Variants in KIF19 observed in about 807,000 individuals in gnomAD.
KIF19 encodes kinesin-like protein KIF19.
In KIF19, 98 loss-of-function variants were observed where a neutral mutation model predicts 106.6. The ratio of observed to expected loss-of-function variants is 0.92; its 90% CI spans 0.78 to 1.09. The LOEUF (loss-of-function observed/expected upper bound fraction) is 1.09, where lower values mean the gene tolerates loss of function less well. KIF19 is among the 50% of genes least tolerant of loss of function. The pLI is 0.00. For synonymous variants in KIF19, 516 were observed against 584.2 expected (o/e 0.88, Z 1.68); for missense variants, 1,373 against 1,414.3 (o/e 0.97, Z 0.47).
chr17:74,355,473 C>A lies in KIF19; in HGVS notation c.*161C>A. ...CCCAGGAACTGGGGTCTCTGCCCAA[C>A]CCTCCCATGCTTTCAGTGCCACTGG... is the stretch of plus-strand genomic sequence containing the variant. On this transcript the variant is annotated 3_prime_UTR_variant, in exon 20 of 20. Transcript: ENST00000389916. The A allele has an allele frequency of 1.1e-6, 1 of 911,102 alleles. No homozygotes were observed. Among genetic ancestry groups the A allele is most frequent in the Non-Finnish European group, 1.6e-6 (1 of 633,368 alleles). 56.4% of individuals were successfully genotyped at this position (911,102 alleles called of 1,614,324 possible). A position where few individuals can be genotyped will look rare whatever the true frequency, so the allele number is the denominator to read the frequency against.
rs374142292 is a variant in KIF19 at position 74,352,143 on chromosome 17, G to A, written c.1858+6G>A. 8 of 1,583,774 alleles carry A rather than the reference G, an allele frequency of 5.1e-6. No homozygotes were observed. Among genetic ancestry groups the A allele is most frequent in the Non-Finnish European group, 6.9e-6 (8 of 1,162,346 alleles). Reference sequence around the variant, plus strand: ...CCAGCGGCAGATCATCGACGGTAGGGCCCACGCCCCCGCGCATCTGAGCCA... The same window carrying A: ...CCAGCGGCAGATCATCGACGGTAGGACCCACGCCCCCGCGCATCTGAGCCA... On this transcript the variant is annotated splice_donor_region_variant and intron_variant, in intron 13 of 19. Coordinates refer to ENST00000389916, the MANE Select transcript of KIF19 (RefSeq NM_153209.4).
chr17:74,341,209 C>T (rs886519605), intron 2 of KIF19, among the ~76,000 whole-genome samples: 1 of 152,150 alleles, frequency 6.6e-6, no homozygotes, highest in Admixed American at 6.5e-5. Flanking sequence ...GTCCCAGGTA[C>T]GCTGGAGGCT....
At chr17:74,343,812 G>T (rs1318041691) in intron 5 of KIF19, among the ~76,000 whole-genome samples, 1 of 152,198 alleles carries the variant, frequency 6.6e-6, no homozygotes, top group Non-Finnish European at 1.5e-5. Flanking sequence ...GAGCACAGGG[G>T]TTGCCTAGCA....
chr17:74,344,736 G>A, intron 6 of KIF19, 25 bp from the exon 7 acceptor site: 1 of 1,591,656 alleles, frequency 6.3e-7, no homozygotes, highest in Non-Finnish European at 8.6e-7. Context: ...GTCGCTAAGA[G>A]CTGCCTCTCC....
chr17:74,343,392 G>A (rs913633704), intron 5 of KIF19, among the ~76,000 whole-genome samples: 8 of 152,120 alleles, frequency 5.3e-5, no homozygotes, highest in East Asian at 1.9e-4. Flanking sequence ...GCCAAGCTCC[G>A]CCCTGTGCCA....
intron 16 of KIF19, 96 bp from the exon 17 acceptor site, chr17:74,353,398 C>T (rs1264165313): frequency 2.3e-5 from 34 of 1,446,932 alleles, no homozygotes; most frequent in African/African-American, 7.0e-5. Flanking sequence ...CTTTCCCAAA[C>T]GGCACCAGCT....
rs2054728694 is a variant in KIF19, at chr17:74,352,120, A to G, written c.1841A>G (p.Gln614Arg). ...RSLCDEIIQGQRQIIDDYNLA... is the reference protein window; with the variant it reads ...RSLCDEIIQGRRQIIDDYNLA... ...CTCTGCGACGAGATTATCCAGGGCC[A>G]GCGGCAGATCATCGACGGTAGGGCC... Residue 614 changes from glutamine (Q) to arginine (R), a missense_variant, in exon 13 of 20, where the codon CAG becomes CGG. Gln to Arg is a conservative substitution (Grantham distance 43). Coordinates refer to ENST00000389916, the MANE Select transcript of KIF19 (RefSeq NM_153209.4). 6.3e-7 allele frequency: 1 copy of G among 1,583,586 alleles called. No homozygotes were observed. Among genetic ancestry groups the G allele is most frequent in the Middle Eastern group, 1.7e-4 (1 of 5,948 alleles).
chr17:74,350,524 GC>G lies in KIF19; in HGVS notation c.1338del (p.Ala447ProfsTer228), dbSNP rs1180804031. ...VRRRLLELEN[R>X]AMEVQIDTSR... Reference sequence around the variant, plus strand: ...AGGCGCCTGCTGGAGCTGGAGAACCGCGCCATGGAGGTCCAGATTGACACCT... The same window carrying G: ...AGGCGCCTGCTGGAGCTGGAGAACCGGCCATGGAGGTCCAGATTGACACCT... On this transcript the variant is annotated frameshift_variant, in exon 11 of 20. Coordinates refer to ENST00000389916, the MANE Select transcript of KIF19 (RefSeq NM_153209.4). LOFTEE classifies it high-confidence loss of function. The G allele has an allele frequency of 2.1e-5, 34 of 1,612,772 alleles. No homozygotes were observed. Among genetic ancestry groups the G allele is most frequent in the Non-Finnish European group, 2.8e-5 (33 of 1,179,850 alleles).
intron 10 of KIF19, 37 bp downstream of exon 10, chr17:74,349,386 C>T (rs780753065): frequency 9.1e-6 from 14 of 1,542,158 alleles, no homozygotes; most frequent in Middle Eastern, 1.7e-4. Flanking sequence ...CAGCCCCCTC[C>T]GGCCAGCCTC....
intron 2 of KIF19, among the ~76,000 whole-genome samples, chr17:74,339,989 C>A (rs1282869611): frequency 6.6e-6 from 1 of 152,196 alleles, no homozygotes; most frequent in Admixed American, 6.5e-5. Context: ...CACCCCTGCC[C>A]TCTTAACAGC....
intron 15 of KIF19, 42 bp from the exon 16 acceptor site, chr17:74,353,154 T>G (rs138255890): frequency 2.0e-6 from 3 of 1,509,846 alleles, no homozygotes; most frequent in Admixed American, 1.9e-5. Flanking sequence ...CTCGGTGAGA[T>G]AGCCTGGTCT....
Position 74,355,644 on chromosome 17 carries a change from C to T in KIF19, c.*332C>T, listed in dbSNP as rs75450582. The T allele has an allele frequency of 8.1e-3, 1,798 of 221,722 alleles. 10 individuals are homozygous for T. The highest frequency in any genetic ancestry group is 0.013 in the Non-Finnish European group (1,467 of 113,398). The allele number at this position is 221,722 out of a possible 1,614,324, so 13.7% of individuals were successfully genotyped here. On this transcript the variant is annotated 3_prime_UTR_variant, in exon 20 of 20. Transcript: ENST00000389916. ...CGGAGGAAAGCAGCTGACAGTGAGA[C>T]GGGGCTCCTGGCCCACGTGTGGGGC... is the stretch of plus-strand genomic sequence containing the variant.
intron 2 of KIF19, among the ~76,000 whole-genome samples, chr17:74,340,749 G>A (rs1193652755): frequency 2.0e-5 from 3 of 152,232 alleles, no homozygotes; most frequent in African/African-American, 7.2e-5. Context: ...CCTCTCAGCT[G>A]CGAGTGGAGA....
At chr17:74,329,717 G>A (rs1480888584) in intron 2 of KIF19, among the ~76,000 whole-genome samples, 2 of 152,148 alleles carry the variant, frequency 1.3e-5, no homozygotes, top group Non-Finnish European at 2.9e-5. Context: ...CAGGATGTTT[G>A]TTTGGGTAGG....
In KIF19 at chr17:74,353,189, A is replaced by C; in HGVS notation, c.2115-7A>C. On this transcript the variant is annotated splice_polypyrimidine_tract_variant and splice_region_variant and intron_variant, in intron 15 of 19. Transcript: ENST00000389916. ...TACAGCCACTCATCTTCCTCTGCCA[A>C]CTTCAGTGAAGGCCACCACGTGTTC... 1 of 1,577,302 alleles carries C rather than the reference A, an allele frequency of 6.3e-7. No individual in the cohort carries two copies.
chr17:74,353,960 G>A (rs1462772385), intron 17 of KIF19, among the ~76,000 whole-genome samples: 1 of 152,142 alleles, frequency 6.6e-6, no homozygotes, highest in Non-Finnish European at 1.5e-5. Flanking sequence ...GGAAATAACC[G>A]ATGGCATTAG....
intron 3 of KIF19, 28 bp from the exon 4 acceptor site, chr17:74,342,602 G>C: frequency 6.3e-7 from 1 of 1,590,578 alleles, no homozygotes; most frequent in East Asian, 2.2e-5. Context: ...CCTGTGTCCC[G>C]GCCCCTGACA....
chr17:74,343,547 A>G (rs1329647104), intron 5 of KIF19, among the ~76,000 whole-genome samples: 1 of 152,142 alleles, frequency 6.6e-6, no homozygotes, highest in African/African-American at 2.4e-5. Flanking sequence ...GGCCTTTGCC[A>G]CCCAGCCACA....
Position 74,354,320 on chromosome 17 carries a change from C to G in KIF19, c.2467C>G (p.Pro823Ala), listed in dbSNP as rs761701688. 23 of 1,607,654 alleles carry G rather than the reference C, an allele frequency of 1.4e-5. No homozygotes were observed. In the Admixed American group the frequency reaches 3.9e-4, roughly 27 times the overall value. The change falls in exon 18 of 20, where the codon CCA (proline) becomes GCA (alanine). Residue 823 changes from proline (P) to alanine (A), a missense_variant. By Grantham distance (27) the Pro-to-Ala change is conservative. This residue lies in a region of KIF19 where 1,020 missense variants were observed against 1,008.2 expected (regional missense o/e 1.01). Transcript: ENST00000389916. ...ACTGAGCGAGGGCGACGATGCGCGGCCACCAGGCCCACTGGCCTGCAAGCG... is the reference window on the plus strand; with the variant it reads ...ACTGAGCGAGGGCGACGATGCGCGGGCACCAGGCCCACTGGCCTGCAAGCG... Reference protein sequence around the residue: ...HSLSEGDDARPPGPLACKRPP... With the variant: ...HSLSEGDDARAPGPLACKRPP...
Sources: gnomAD v4.1 joint callset for allele counts (sites outside exome capture counted in the v4.1 genomes callset) on GRCh38, gnomAD v4.1.1 for gene constraint, gnomAD v4.1.1 regional missense constraint, MANE v1.5 for transcripts, NCBI Gene and HGNC (gene_info 2026-07-23, HGNC 2026-07-21) for gene names.